Variants in RBFOX3 observed in about 807,000 individuals in gnomAD.
The protein encoded by RBFOX3 is RNA binding protein fox-1 homolog 3.
Under a neutral mutation model 48.7 loss-of-function variants are expected in RBFOX3, and 17 were observed. The observed-to-expected ratio is 0.35, with a 90% CI of 0.24 to 0.52. The LOEUF (loss-of-function observed/expected upper bound fraction) is 0.52, where lower values mean the gene tolerates loss of function less well. Ranked by LOEUF, RBFOX3 falls within the 20% of genes least tolerant of loss-of-function variation. RBFOX3 has a pLI of 0.94. For synonymous variants in RBFOX3, 212 were observed against 209.5 expected (o/e 1.01, Z -0.10); for missense variants, 382 against 497.5 (o/e 0.77, Z 2.21).
At chr17:79,219,201 A>G (rs904869801) in intron 4 of RBFOX3, among the ~76,000 whole-genome samples, 2 of 152,132 alleles carry the variant, frequency 1.3e-5, no homozygotes, top group African/African-American at 2.4e-5. Context: ...TCAGGCTGGG[A>G]AGGGGTACCC....
intron 1 of RBFOX3, among the ~76,000 whole-genome samples, chr17:79,553,007 G>T (rs1046452592): frequency 2.0e-5 from 3 of 151,996 alleles, no homozygotes; most frequent in Non-Finnish European, 2.9e-5. Flanking sequence ...TTCTTTTCTT[G>T]TCTGATTGCA....
chr17:79,274,980 C>T (rs1457103044), intron 3 of RBFOX3, among the ~76,000 whole-genome samples: 2 of 146,226 alleles, frequency 1.4e-5, no homozygotes, highest in African/African-American at 5.0e-5. Context: ...ATCCCCACCC[C>T]ACCCCCGTCC....
intron 5 of RBFOX3, among the ~76,000 whole-genome samples, chr17:79,112,913 GGT>G (rs199548138): frequency 0.053 from 6,615 of 125,954 alleles, 467 homozygotes; most frequent in South Asian, 0.13. Flanking sequence ...TCGGGGGGGG[GGT>G]GGGCTGGGTA....
rs1045189944 is a variant in RBFOX3, at chr17:79,587,608, C to G, written c.-320+23218G>C. ...CCAGGACCCTCAGCCCCAAGCTGCCCAAGTCACTCAGCCAGGCGAGGTCCC... is the reference window on the plus strand; with the variant it reads ...CCAGGACCCTCAGCCCCAAGCTGCCGAAGTCACTCAGCCAGGCGAGGTCCC... On this transcript the variant is annotated intron_variant, in intron 1 of 14. Transcript: ENST00000693108. Among the ~76,000 whole-genome samples, 1,455 of 152,328 alleles carry G rather than the reference C, an allele frequency of 9.6e-3. 23 individuals carry two copies. Among genetic ancestry groups the G allele is most frequent in the Middle Eastern group, 0.014 (4 of 294 alleles).
At chr17:79,352,885 C>T (rs1206423790) in intron 2 of RBFOX3, among the ~76,000 whole-genome samples, 1 of 152,218 alleles carries the variant, frequency 6.6e-6, no homozygotes, top group African/African-American at 2.4e-5. Context: ...ACTGGGGCCA[C>T]ATCAGTTCTA....
At position 79,434,592 on chromosome 17, in the gene RBFOX3, T is replaced by C. The variant is rs540528247; in HGVS notation, c.-175+47862A>G. ...GTGGGAAATAAAAGCCTACTGTCTC[T>C]CTTTCAGGCAACATGCCTCTCTTGA... On this transcript the variant is annotated intron_variant, in intron 2 of 14. Coordinates refer to ENST00000693108, the MANE Select transcript of RBFOX3 (RefSeq NM_001350451.2). Among the ~76,000 whole-genome samples the C allele has an allele frequency of 2.6e-5, 4 of 152,312 alleles. No individual in the cohort carries two copies. In the South Asian group the frequency reaches 8.3e-4, roughly 32 times the overall value.
intron 1 of RBFOX3, among the ~76,000 whole-genome samples, chr17:79,546,067 A>T (rs1253237736): frequency 1.3e-5 from 2 of 152,258 alleles, no homozygotes; most frequent in African/African-American, 4.8e-5. Flanking sequence ...GATTTGCATA[A>T]TGACAAATTT....
chr17:79,648,345 C>T, the RBFOX3 span, among the ~76,000 whole-genome samples: 3 of 152,160 alleles, frequency 2.0e-5, no homozygotes, highest in Admixed American at 6.5e-5. Flanking sequence ...ACCTAACTCA[C>T]GGGCACGTCC....
intron 1 of RBFOX3, among the ~76,000 whole-genome samples, chr17:79,570,400 AAGAT>A (rs1170275596): frequency 0.036 from 5,473 of 152,140 alleles, 167 homozygotes; most frequent in East Asian, 0.17. Flanking sequence ...TGGTAGATAG[AAGAT>A]AGATAGATGG....
At chr17:79,606,413 G>A (rs1053257448) in intron 1 of RBFOX3, among the ~76,000 whole-genome samples, 28 of 152,154 alleles carry the variant, frequency 1.8e-4, no homozygotes, top group Non-Finnish European at 3.2e-4. Context: ...GGGGACTCCC[G>A]TGGTACCCGG....
rs568068194 is a variant in RBFOX3, at chr17:79,137,489, G to A, written c.-33-21741C>T. Among the ~76,000 whole-genome samples the A allele has an allele frequency of 2.7e-3, 417 of 152,296 alleles. 1 individual carries two copies. The highest frequency in any genetic ancestry group is 2.3e-3 in the Non-Finnish European group (154 of 68,026). The stretch of plus-strand genomic sequence containing the variant: ...CCGACCCCTCCACACACACGCGCCT[G>A]CAGTGATCGTGCACGCAGCAGTGCA... On this transcript the variant is annotated intron_variant, in intron 4 of 14. Transcript: ENST00000693108.
At chr17:79,159,214 T>C (rs1328788700) in intron 4 of RBFOX3, among the ~76,000 whole-genome samples, 2 of 152,136 alleles carry the variant, frequency 1.3e-5, no homozygotes, top group Non-Finnish European at 1.5e-5. Flanking sequence ...CAGCACCAGG[T>C]GAGCTGACCT....
At chr17:79,493,643 T>C (rs2081023470) in intron 1 of RBFOX3, among the ~76,000 whole-genome samples, 1 of 152,186 alleles carries the variant, frequency 6.6e-6, no homozygotes, top group South Asian at 2.1e-4. Flanking sequence ...TTGTTGCAAG[T>C]TGTAATTATA....
rs1255207652 is a variant in RBFOX3 at position 79,477,551 on chromosome 17, G to A, written c.-175+4903C>T. On this transcript the variant is annotated intron_variant, in intron 2 of 14. Coordinates refer to ENST00000693108, the MANE Select transcript of RBFOX3 (RefSeq NM_001350451.2). The surrounding 1 kb of genome is among the most constrained non-coding windows in gnomAD (Gnocchi z 4.8). ...AGCCTGGGCGACAGAGCGAAACTCC[G>A]TCACCGGAAAAAAAAAAAGAGGAGG... Among the ~76,000 whole-genome samples the A allele has an allele frequency of 6.3e-5, 9 of 143,970 alleles. No individual in the cohort carries two copies. The highest frequency in any genetic ancestry group is 4.8e-4 in the South Asian group (2 of 4,208). The allele number at this position is 143,970 out of a possible 152,430, so 94.4% of individuals were successfully genotyped here.
intron 2 of RBFOX3, among the ~76,000 whole-genome samples, chr17:79,324,076 G>C (rs952227432): frequency 1.3e-5 from 2 of 152,164 alleles, no homozygotes; most frequent in Non-Finnish European, 2.9e-5. Flanking sequence ...CTGGGAGCTT[G>C]CCAGAGCCAC....
In RBFOX3 at chr17:79,104,063, C is replaced by A; in HGVS notation, c.414+10G>T. The A allele has an allele frequency of 6.5e-7, 1 of 1,549,610 alleles. No homozygotes were observed. The highest frequency in any genetic ancestry group is 8.7e-7 in the Non-Finnish European group (1 of 1,145,718). ...GGCGCTGTAAGGCGGCAGCTCCGTGCGGCACCCACCTTGGAGCCCCGCTCG... is the reference window on the plus strand; with the variant it reads ...GGCGCTGTAAGGCGGCAGCTCCGTGAGGCACCCACCTTGGAGCCCCGCTCG... On this transcript the variant is annotated intron_variant, in intron 7 of 14. Coordinates refer to ENST00000693108, the MANE Select transcript of RBFOX3 (RefSeq NM_001350451.2).
intron 2 of RBFOX3, among the ~76,000 whole-genome samples, chr17:79,436,000 C>T (rs1335974089): frequency 2.0e-5 from 3 of 152,238 alleles, no homozygotes; most frequent in African/African-American, 7.2e-5. Flanking sequence ...ATCTCAGACG[C>T]TCCCTGCAGC....
chr17:79,292,661 C>T (rs770218366), intron 3 of RBFOX3, among the ~76,000 whole-genome samples: 8 of 151,936 alleles, frequency 5.3e-5, no homozygotes, highest in African/African-American at 7.3e-5. Context: ...TTTGATGCTG[C>T]GAAGGACAGC....
rs2061181902 is a variant in RBFOX3 at position 79,390,085 on chromosome 17, C to T, written c.-174-82261G>A. On this transcript the variant is annotated intron_variant, in intron 2 of 14. Transcript: ENST00000693108. The surrounding 1 kb of genome is among the most constrained non-coding windows in gnomAD (Gnocchi z 4.2). ...CGGGTCTCCGCAGCCTCCGGGTCTC[C>T]GCAGCCTCCGGGTCTCCGTAGCCAG... is the stretch of plus-strand genomic sequence containing the variant. 1.3e-5 allele frequency among the ~76,000 whole-genome samples: 2 copies of T among 151,932 alleles called. No homozygotes were observed. The highest frequency in any genetic ancestry group is 2.4e-5 in the African/African-American group (1 of 41,334).
Sources: allele counts gnomAD v4.1 joint callset (sites outside exome capture counted in the v4.1 genomes callset), GRCh38; gene constraint gnomAD v4.1.1; non-coding constraint Gnocchi (gnomAD v3.1); transcripts MANE v1.5; gene names NCBI Gene and HGNC (gene_info 2026-07-23, HGNC 2026-07-21).